Variants in GSAP observed in about 807,000 individuals in gnomAD.
GSAP encodes the protein gamma-secretase-activating protein.
Under a neutral mutation model 131.7 loss-of-function variants are expected in GSAP, and 118 were observed. That is an observed-to-expected ratio of 0.90 (90% CI 0.77 to 1.04). The LOEUF (loss-of-function observed/expected upper bound fraction) is 1.04. GSAP is among the 50% of genes least tolerant of loss of function. GSAP has a pLI of 0.00. For synonymous variants in GSAP, 381 were observed against 363.4 expected (o/e 1.05, Z -0.55); for missense variants, 1,019 against 1,013.2 (o/e 1.01, Z -0.08).
chr7:77,329,426 A>G lies in GSAP; in HGVS notation c.1675-35T>C, dbSNP rs753269365. 4 of 1,294,678 alleles carry G rather than the reference A, an allele frequency of 3.1e-6. No homozygotes were observed. The South Asian group carries it at 5.6e-5, about 18-fold the overall frequency. The allele number at this position is 1,294,678 out of a possible 1,614,324, so 80.2% of individuals were successfully genotyped here. ...AGAACACGTCAGAAATGTGGAAGGTAAAGGTTTTATCGGTGACTTTTCACG... is the reference window on the plus strand; with the variant it reads ...AGAACACGTCAGAAATGTGGAAGGTGAAGGTTTTATCGGTGACTTTTCACG... On this transcript the variant is annotated intron_variant, in intron 20 of 30. Transcript: ENST00000257626.
intron 26 of GSAP, among the ~76,000 whole-genome samples, chr7:77,319,301 C>T (rs1236391233): frequency 6.6e-6 from 1 of 152,056 alleles, no homozygotes; most frequent in East Asian, 1.9e-4. Context: ...AAAATATGCT[C>T]GACATCACTA....
chr7:77,347,399 C>A (rs1161516135), intron 19 of GSAP, among the ~76,000 whole-genome samples: 1 of 152,038 alleles, frequency 6.6e-6, no homozygotes, highest in Non-Finnish European at 1.5e-5. Flanking sequence ...GACACTGTCT[C>A]TAGGTAGATA....
intron 8 of GSAP, among the ~76,000 whole-genome samples, chr7:77,379,128 A>C (rs192043204): frequency 2.0e-5 from 3 of 152,214 alleles, no homozygotes; most frequent in Non-Finnish European, 2.9e-5. Flanking sequence ...CATTTTTCTG[A>C]AATTTGTTGA....
intron 26 of GSAP, among the ~76,000 whole-genome samples, chr7:77,317,254 C>T (rs1795066454): frequency 1.3e-5 from 2 of 152,000 alleles, no homozygotes; most frequent in Non-Finnish European, 2.9e-5. Context: ...AACCATCATT[C>T]TCAGCAAACT....
In GSAP at chr7:77,326,221, G is replaced by A. The variant is rs777323001; in HGVS notation, c.1818C>T (p.Leu606=). The part of the protein sequence containing the change: ...LQEEDSHQRL[L]MGLMVSELKD... ...CCCACGTACCACTTACCAGCCCCAT[G>A]AGCAGCCGCTGGTGGCTGTCTTCCT... Residue 606 remains leucine (L), a synonymous_variant, in exon 23 of 31, where the codon CTC becomes CTT. Coordinates refer to ENST00000257626, the MANE Select transcript of GSAP (RefSeq NM_017439.4). 3.1e-6 allele frequency: 5 copies of A among 1,611,840 alleles called. No homozygotes were observed. Among genetic ancestry groups the A allele is most frequent in the South Asian group, 1.1e-5 (1 of 90,938 alleles).
intron 1 of GSAP, among the ~76,000 whole-genome samples, chr7:77,411,098 T>TAAAA (rs57255266): frequency 6.2e-4 from 68 of 108,824 alleles, no homozygotes; most frequent in African/African-American, 1.9e-3. Flanking sequence ...AAGAAAATAG[T>TAAAA]AAAAAAAAAA....
Position 77,320,830 on chromosome 7 carries a change from A to G in GSAP, c.1995-11T>C, listed in dbSNP as rs1787538596. 1 of 1,560,014 alleles carries G rather than the reference A, an allele frequency of 6.4e-7. No individual in the cohort carries two copies. Among genetic ancestry groups the G allele is most frequent in the Non-Finnish European group, 8.8e-7 (1 of 1,131,050 alleles). On this transcript the variant is annotated splice_polypyrimidine_tract_variant and intron_variant, in intron 25 of 30. Transcript: ENST00000257626. ...CTGCCACGACTATTGCTGGGTAAAA[A>G]AAACAAAGCAGCATGTCAGCCAAGG...
chr7:77,416,365 G>A (rs1007101132), upstream of GSAP: 14 of 1,143,168 alleles, frequency 1.2e-5, no homozygotes, highest in Admixed American at 4.2e-4. Context: ...CCCGCACCGC[G>A]GGCATTCCCG....
intron 8 of GSAP, chr7:77,379,736 C>G: frequency 1.1e-5 from 3 of 270,984 alleles, no homozygotes; most frequent in Non-Finnish European, 1.7e-5. Flanking sequence ...GGGCTTGACC[C>G]TCTTCTGACT....
chr7:77,365,045 T>C (rs1795081093), intron 12 of GSAP, among the ~76,000 whole-genome samples: 1 of 152,144 alleles, frequency 6.6e-6, no homozygotes, highest in Non-Finnish European at 1.5e-5. Context: ...ACTGTAGCCT[T>C]AACCTCCCAG....
intron 5 of GSAP, among the ~76,000 whole-genome samples, chr7:77,390,007 T>A (rs139068384): frequency 0.026 from 4,010 of 152,312 alleles, 67 homozygotes; most frequent in Non-Finnish European, 0.042. Context: ...CTCATTGTGG[T>A]TTTGATTTGC....
chr7:77,403,337 T>G (rs1801687464), intron 3 of GSAP, among the ~76,000 whole-genome samples: 1 of 151,934 alleles, frequency 6.6e-6, no homozygotes, highest in Non-Finnish European at 1.5e-5. Flanking sequence ...TGAATAAAGG[T>G]GAAAGGGGTG....
At chr7:77,377,200 G>C (rs1293782182) in intron 9 of GSAP, 86 bp downstream of exon 9, 10 of 1,199,804 alleles carry the variant, frequency 8.3e-6, no homozygotes, top group African/African-American at 7.6e-5. Context: ...CTCAGCAAGA[G>C]AGCAAGACCC....
At chr7:77,364,891 C>A (rs558461262) in intron 12 of GSAP, among the ~76,000 whole-genome samples, 1 of 152,284 alleles carries the variant, frequency 6.6e-6, no homozygotes, top group South Asian at 2.1e-4. Flanking sequence ...ATGTTATATA[C>A]CTGTATAGTC....
intron 6 of GSAP, among the ~76,000 whole-genome samples, chr7:77,385,642 G>C (rs1385630107): frequency 6.6e-6 from 1 of 152,058 alleles, no homozygotes; most frequent in Non-Finnish European, 1.5e-5. Flanking sequence ...CCTGAGGGTA[G>C]GAGAATGCAG....
chr7:77,334,602 A>AAAAAAAAAAAAAAAAAAAAC (rs1789683668), intron 19 of GSAP, among the ~76,000 whole-genome samples: 1 of 149,380 alleles, frequency 6.7e-6, no homozygotes, highest in Non-Finnish European at 1.5e-5. Context: ...AAAAAAAAAA[A>AAAAAAAAAAAAAAAAAAAAC]AAAAGATGAA....
chr7:77,328,079 T>C (rs1035129622), intron 22 of GSAP: 16 of 370,610 alleles, frequency 4.3e-5, no homozygotes, highest in Admixed American at 6.4e-5. Flanking sequence ...GAGCACATGG[T>C]TCACACAAGA....
At chr7:77,367,310 A>G (rs1438611780) in intron 12 of GSAP, among the ~76,000 whole-genome samples, 3 of 152,184 alleles carry the variant, frequency 2.0e-5, no homozygotes, top group Non-Finnish European at 4.4e-5. Flanking sequence ...AAATGCTACC[A>G]GCTTTTGCCC....
intron 5 of GSAP, among the ~76,000 whole-genome samples, chr7:77,392,289 T>A (rs1402301555): frequency 6.6e-6 from 1 of 150,880 alleles, no homozygotes; most frequent in Non-Finnish European, 1.5e-5. Flanking sequence ...GGCTCATGCC[T>A]GTAATCCTAA....
Sources: gnomAD v4.1 joint callset for allele counts (sites outside exome capture counted in the v4.1 genomes callset) on GRCh38, gnomAD v4.1.1 for gene constraint, MANE v1.5 for transcripts, NCBI Gene and HGNC (gene_info 2026-07-23, HGNC 2026-07-21) for gene names.